ATAD2B: variants seen among roughly 807,000 people sequenced by gnomAD.
The protein encoded by ATAD2B is ATPase family AAA domain-containing protein 2B.
A neutral mutation model predicts 167.6 loss-of-function variants in ATAD2B; 40 were observed. The ratio of observed to expected loss-of-function variants is 0.24; its 90% confidence interval spans 0.19 to 0.31. ATAD2B has a LOEUF of 0.31. Among genes scored for constraint, ATAD2B ranks in the 10% least tolerant of loss-of-function variants. The probability of loss-of-function intolerance (pLI) is 1.00; values close to 1 mark genes in which losing one functional copy is unlikely to be tolerated. For missense variants in ATAD2B, 1,242 were observed against 1,757.2 expected (o/e 0.71, Z 5.24); for synonymous variants, 579 against 596.5 (o/e 0.97, Z 0.43).
rs75529914 is a variant in ATAD2B at position 23,773,473 on chromosome 2, G to A, written c.3134-7845C>T. 2.2e-4 allele frequency among the ~76,000 whole-genome samples: 34 copies of A among 152,274 alleles called. 1 individual carries two copies. In the East Asian group the frequency reaches 6.6e-3, roughly 29 times the overall value. On this transcript the variant is annotated intron_variant, in intron 22 of 27. Coordinates refer to ENST00000238789, the MANE Select transcript of ATAD2B (RefSeq NM_017552.4). ...AGCTATGATGGCTACAGTAAGCCAT[G>A]ATCGCACCACTGCATTCCAGACTAG...
chr2:23,761,616 G>C (rs1424770915), intron 24 of ATAD2B, among the ~76,000 whole-genome samples: 1 of 152,198 alleles, frequency 6.6e-6, no homozygotes, highest in Non-Finnish European at 1.5e-5. Flanking sequence ...TAGTGAAACA[G>C]AAGAACTCTA....
At chr2:23,721,173 C>T in the ATAD2B span, among the ~76,000 whole-genome samples, 3 of 152,336 alleles carry the variant, frequency 2.0e-5, no homozygotes, top group Non-Finnish European at 4.4e-5. Context: ...AAGCAACTGA[C>T]ACATTTCCAG....
chr2:23,812,720 G>T (rs996768112), intron 17 of ATAD2B, among the ~76,000 whole-genome samples: 3 of 151,946 alleles, frequency 2.0e-5, no homozygotes, highest in Non-Finnish European at 4.4e-5. Context: ...AAAATTAGCT[G>T]GGCGTGGTGG....
the ATAD2B span, chr2:23,706,869 G>A: frequency 2.7e-5 from 13 of 485,202 alleles, no homozygotes; most frequent in African/African-American, 1.4e-4. Flanking sequence ...GCTTGGAGCC[G>A]CAGGAACCAC....
the ATAD2B span, among the ~76,000 whole-genome samples, chr2:23,740,182 T>A: frequency 3.2e-3 from 490 of 152,194 alleles, no homozygotes; most frequent in Non-Finnish European, 5.5e-3. Context: ...AAAGAGGGAA[T>A]CCTCCCTAAC....
At chr2:23,911,667 G>A (rs72796325) in intron 1 of ATAD2B, among the ~76,000 whole-genome samples, 28,179 of 152,008 alleles carry the variant, frequency 0.19, 2,700 homozygotes, top group Middle Eastern at 0.26. Context: ...AATCACACAT[G>A]CACACACAAA....
chr2:23,734,497 A>G, the ATAD2B span, among the ~76,000 whole-genome samples: 3 of 152,102 alleles, frequency 2.0e-5, no homozygotes, highest in Non-Finnish European at 4.4e-5. Context: ...GGTTTGACTG[A>G]CTCACAGTTC....
intron 1 of ATAD2B, among the ~76,000 whole-genome samples, chr2:23,899,349 G>A (rs866205900): frequency 2.0e-5 from 3 of 148,250 alleles, no homozygotes; most frequent in Middle Eastern, 3.6e-3. Context: ...GTACTAAAAG[G>A]CACAAAAGAA....
At chr2:23,764,602 A>G (rs1271997003) in intron 23 of ATAD2B, among the ~76,000 whole-genome samples, 2 of 152,204 alleles carry the variant, frequency 1.3e-5, no homozygotes, top group African/African-American at 4.8e-5. Flanking sequence ...GATATCCTAA[A>G]TAAGGAGGAC....
the ATAD2B span, among the ~76,000 whole-genome samples, chr2:23,678,732 A>G: frequency 6.6e-6 from 1 of 152,248 alleles, no homozygotes; most frequent in Non-Finnish European, 1.5e-5. Context: ...AGCCAGCCTT[A>G]AAAAGGAGGG....
At chr2:23,821,350 G>A (rs566384864) in intron 16 of ATAD2B, among the ~76,000 whole-genome samples, 2 of 152,246 alleles carry the variant, frequency 1.3e-5, no homozygotes, top group Admixed American at 1.3e-4. Flanking sequence ...TTTTTGGGAC[G>A]TTTTGGTACA....
the ATAD2B span, chr2:23,706,703 T>G: frequency 7.1e-7 from 1 of 1,418,144 alleles, no homozygotes; most frequent in Non-Finnish European, 9.3e-7. Context: ...TGGACAAGTC[T>G]GGTGAGGCAA....
intron 1 of ATAD2B, among the ~76,000 whole-genome samples, chr2:23,909,022 C>T (rs1270151572): frequency 6.7e-6 from 1 of 150,190 alleles, no homozygotes; most frequent in Admixed American, 6.6e-5. Context: ...GGGAGATATA[C>T]CTAATGCTAG....
chr2:23,867,046 G>A (rs577597748), intron 10 of ATAD2B, among the ~76,000 whole-genome samples: 4 of 152,206 alleles, frequency 2.6e-5, no homozygotes, highest in South Asian at 2.1e-4. Context: ...TTGATGACCC[G>A]TATTTGAATT....
At chr2:23,784,879 T>C (rs1303352019) in intron 21 of ATAD2B, among the ~76,000 whole-genome samples, 7 of 152,052 alleles carry the variant, frequency 4.6e-5, no homozygotes, top group African/African-American at 1.4e-4. Context: ...GCTATGATAA[T>C]GAATGTGGGC....
chr2:23,772,993 C>T (rs1391299321), intron 22 of ATAD2B, among the ~76,000 whole-genome samples: 4 of 152,188 alleles, frequency 2.6e-5, no homozygotes, highest in Admixed American at 6.5e-5. Context: ...CTGCCTACCT[C>T]GGTCTCCCAA....
intron 19 of ATAD2B, among the ~76,000 whole-genome samples, chr2:23,793,801 A>T (rs2149441634): frequency 1.3e-5 from 2 of 150,782 alleles, no homozygotes; most frequent in Middle Eastern, 6.8e-3. Context: ...TCTAGAGACC[A>T]GAGGTGCACA....
the ATAD2B span, chr2:23,691,837 C>A: frequency 6.4e-7 from 1 of 1,551,442 alleles, no homozygotes; most frequent in Non-Finnish European, 8.7e-7. Context: ...CAGCAAGTTC[C>A]AGTTCCACAC....
the ATAD2B span, among the ~76,000 whole-genome samples, chr2:23,741,040 A>G: frequency 6.6e-6 from 1 of 152,178 alleles, no homozygotes; most frequent in Non-Finnish European, 1.5e-5. Flanking sequence ...CCACTGCTCA[A>G]TGAAATAAAA....
Sources: gnomAD v4.1 joint callset for allele counts (sites outside exome capture counted in the v4.1 genomes callset) on GRCh38, gnomAD v4.1.1 for gene constraint, MANE v1.5 for transcripts, NCBI Gene and HGNC (gene_info 2026-07-23, HGNC 2026-07-21) for gene names.